The following CSMD2 variants were observed in gnomAD, a reference collection of about 807,000 sequenced individuals.
CSMD2 encodes CUB and Sushi multiple domains 2, also known as CUB and sushi domain-containing protein 2.
A neutral mutation model predicts 398.5 loss-of-function variants in CSMD2; 130 were observed. The observed-to-expected ratio is 0.33, with a 90% CI of 0.28 to 0.38. The LOEUF (loss-of-function observed/expected upper bound fraction) is 0.38. Among genes scored for constraint, CSMD2 ranks in the 10% least tolerant of loss-of-function variants. The pLI is 1.00. For synonymous variants in CSMD2, 1,828 were observed against 1,908.5 expected, an observed-to-expected ratio of 0.96 and a Z score of 1.10; for missense variants, 3,829 against 4,764.9, an observed-to-expected ratio of 0.80 and a Z score of 5.78.
intron 4 of CSMD2, among the ~76,000 whole-genome samples, chr1:33,929,140 GC>G (rs1644226921): frequency 6.6e-6 from 1 of 151,942 alleles, no homozygotes; most frequent in African/African-American, 2.4e-5. Flanking sequence ...GTCAACTTTG[GC>G]CCTTTATTCT....
rs1292928214 is a variant in CSMD2, at chr1:33,682,227, GTCT to G, written c.4052+10700_4052+10702del. Among the ~76,000 whole-genome samples, 6 of 152,116 alleles carry G rather than the reference GTCT, an allele frequency of 3.9e-5. No homozygotes were observed. The East Asian group carries it at 5.8e-4, about 15-fold the overall frequency. On this transcript the variant is annotated intron_variant, in intron 25 of 70. Coordinates refer to ENST00000373381, the MANE Select transcript of CSMD2 (RefSeq NM_001281956.2). The stretch of plus-strand genomic sequence containing the variant: ...CTCTACGTGTATAAAATCTCCCTCT[GTCT>G]TCTTCTTACAAAGTTGCATGTGGTG...
chr1:33,677,414 C>T (rs993612979), intron 25 of CSMD2, among the ~76,000 whole-genome samples: 11 of 152,182 alleles, frequency 7.2e-5, no homozygotes, highest in Non-Finnish European at 1.6e-4. Context: ...CAATGAGATA[C>T]CATCTCACAC....
At chr1:33,843,663 GA>G (rs11288278) in intron 6 of CSMD2, among the ~76,000 whole-genome samples, 77,712 of 151,926 alleles carry the variant, frequency 0.51, 20,183 homozygotes, top group East Asian at 0.65. Flanking sequence ...ATGCCAGCCA[GA>G]GATCCCAGGG....
intron 24 of CSMD2, 82 bp from the exon 25 acceptor site, chr1:33,693,138 G>A (rs1429101405): frequency 1.4e-6 from 2 of 1,460,348 alleles, no homozygotes; most frequent in African/African-American, 1.4e-5. Flanking sequence ...TTGCCTGTTT[G>A]CTCTTGAGTC....
At chr1:33,789,099 C>T (rs952030322) in intron 11 of CSMD2, among the ~76,000 whole-genome samples, 3 of 152,124 alleles carry the variant, frequency 2.0e-5, no homozygotes, top group Non-Finnish European at 2.9e-5. Context: ...CAGAAAAGAC[C>T]ACCGCCACCC....
chr1:34,011,093 C>A (rs1256208685), intron 3 of CSMD2, among the ~76,000 whole-genome samples: 1 of 152,156 alleles, frequency 6.6e-6, no homozygotes, highest in East Asian at 1.9e-4. Flanking sequence ...CCCTTCACAG[C>A]CTTGGTCACT....
intron 1 of CSMD2, among the ~76,000 whole-genome samples, chr1:34,159,155 A>T (rs991393703): frequency 6.6e-6 from 1 of 152,214 alleles, no homozygotes; most frequent in African/African-American, 2.4e-5. Context: ...GCCCTGCCTC[A>T]GTTCACAGTC....
intron 2 of CSMD2, among the ~76,000 whole-genome samples, chr1:34,045,275 T>A (rs1570924841): frequency 6.6e-6 from 1 of 152,232 alleles, no homozygotes. Context: ...AGAAGGTAGA[T>A]CATGGAGCTG....
At chr1:33,713,128 C>T (rs543619315) in intron 21 of CSMD2, among the ~76,000 whole-genome samples, 2 of 152,292 alleles carry the variant, frequency 1.3e-5, no homozygotes, top group South Asian at 2.1e-4. Flanking sequence ...GTTTTATAAA[C>T]AAGGAAGCTG....
intron 12 of CSMD2, among the ~76,000 whole-genome samples, chr1:33,778,721 G>T (rs763231314): frequency 1.3e-5 from 2 of 152,180 alleles, no homozygotes; most frequent in Non-Finnish European, 2.9e-5. Context: ...AGGGTCAGGT[G>T]GGTATGGAGA....
chr1:33,829,501 A>T (rs980305127), intron 6 of CSMD2, among the ~76,000 whole-genome samples: 1 of 152,156 alleles, frequency 6.6e-6, no homozygotes, highest in East Asian at 1.9e-4. Flanking sequence ...TTAACTCGTC[A>T]TTTAACATTA....
rs1229260626 is a variant in CSMD2 at position 33,583,716 on chromosome 1, G to C, written c.7166C>G (p.Pro2389Arg). 2.5e-6 allele frequency: 4 copies of C among 1,614,170 alleles called. No homozygotes were observed. Among genetic ancestry groups the C allele is most frequent in the Non-Finnish European group, 3.4e-6 (4 of 1,180,022 alleles). ...CACTGTGAGGGAGATGTTATAGTCGGGCTCCACTCTCACCAGCCAAGAGCA... is the reference window on the plus strand; with the variant it reads ...CACTGTGAGGGAGATGTTATAGTCGCGCTCCACTCTCACCAGCCAAGAGCA... ...QTCSWLVRVEPDYNISLTVEY... is the reference protein window; with the variant it reads ...QTCSWLVRVERDYNISLTVEY... Residue 2389 changes from proline to arginine, a missense_variant, in exon 47 of 71, where the codon CCC (proline) becomes CGC (arginine). Around this residue, in one of 5 missense-constraint regions of CSMD2, gnomAD observed 723 missense variants for 758.6 expected, o/e 0.95. Transcript: ENST00000373381.
At chr1:34,134,737 T>C (rs916841040) in intron 1 of CSMD2, among the ~76,000 whole-genome samples, 6 of 151,964 alleles carry the variant, frequency 3.9e-5, no homozygotes, top group Admixed American at 3.3e-4. Flanking sequence ...GTAAGAAAAA[T>C]AGAAACAATG....
At chr1:34,120,063 T>C (rs1245443543) in intron 1 of CSMD2, among the ~76,000 whole-genome samples, 10 of 152,168 alleles carry the variant, frequency 6.6e-5, no homozygotes, top group African/African-American at 2.2e-4. Context: ...ATGTGGTACA[T>C]ACATACAATT....
rs1641309290 is a variant in CSMD2, at chr1:33,615,254, A to T, written c.6017-634T>A. ...GATATGCCAATCAAGGTGAATTCAG[A>T]GTCATCTGAGGATGCAGGGCTGGGG... On this transcript the variant is annotated intron_variant, in intron 39 of 70. Coordinates refer to ENST00000373381, the MANE Select transcript of CSMD2 (RefSeq NM_001281956.2). Among the ~76,000 whole-genome samples, 3 of 152,192 alleles carry T rather than the reference A, an allele frequency of 2.0e-5. No homozygotes were observed. The South Asian group carries it at 6.2e-4, about 32-fold the overall frequency.
chr1:33,921,513 C>T (rs1643937774), intron 4 of CSMD2, among the ~76,000 whole-genome samples: 1 of 152,202 alleles, frequency 6.6e-6, no homozygotes, highest in Non-Finnish European at 1.5e-5. Context: ...GTGGAACTGT[C>T]TTCGCCCTGG....
At chr1:34,139,405 C>A (rs572720321) in intron 1 of CSMD2, among the ~76,000 whole-genome samples, 1 of 152,306 alleles carries the variant, frequency 6.6e-6, no homozygotes, top group South Asian at 2.1e-4. Flanking sequence ...AGCCCCTCGA[C>A]CTTGGACTTC....
At chr1:33,569,881 G>A (rs77059296) in intron 51 of CSMD2, among the ~76,000 whole-genome samples, 11,193 of 152,226 alleles carry the variant, frequency 0.074, 438 homozygotes, top group South Asian at 0.14. Flanking sequence ...CGATTCTGTG[G>A]TATGCTCCTG....
At chr1:33,757,871 C>T (rs977877039) in intron 13 of CSMD2, among the ~76,000 whole-genome samples, 5 of 152,168 alleles carry the variant, frequency 3.3e-5, no homozygotes, top group Admixed American at 2.0e-4. Context: ...CATCACATCC[C>T]TATTAAGTGG....
Sources: allele counts gnomAD v4.1 joint callset (sites outside exome capture counted in the v4.1 genomes callset), GRCh38; gene constraint gnomAD v4.1.1; regional missense constraint gnomAD v4.1.1; transcripts MANE v1.5; gene names NCBI Gene and HGNC (gene_info 2026-07-23, HGNC 2026-07-21).